Variants in CASK observed in about 807,000 individuals in gnomAD.
CASK encodes peripheral plasma membrane protein CASK.
In CASK, 4 loss-of-function variants were observed where a neutral mutation model predicts 82.9. The ratio of observed to expected loss-of-function variants is 0.05; its 90% CI spans 0.02 to 0.11. The LOEUF is 0.11. CASK is among the 10% of genes least tolerant of loss of function. The pLI is 1.00. For missense variants in CASK, 358 were observed against 720.9 expected (o/e 0.50, Z 5.76); for synonymous variants, 259 against 253.5 (o/e 1.02, Z -0.20).
At chrX:41,612,138 G>A (rs1320753554) in intron 11 of CASK, among the ~76,000 whole-genome samples, 2 of 111,632 alleles carry the variant, frequency 1.8e-5, no homozygotes, top group Non-Finnish European at 1.9e-5. Context: ...GGGAAGTGAG[G>A]AGCGTCTCTG....
At chrX:41,643,013 C>G (rs1326543135) in intron 8 of CASK, among the ~76,000 whole-genome samples, 1 of 111,880 alleles carries the variant, frequency 8.9e-6, no homozygotes, top group African/African-American at 3.3e-5. Flanking sequence ...GAATCCTTTC[C>G]CCATTGCTTG....
intron 14 of CASK, among the ~76,000 whole-genome samples, chrX:41,581,292 G>T (rs983984146): frequency 1.8e-5 from 2 of 110,349 alleles, no homozygotes; most frequent in African/African-American, 6.6e-5. Context: ...GAGGCAGAAG[G>T]ATTGCTTTGC....
chrX:41,680,829 C>T (rs1031064407), intron 5 of CASK, among the ~76,000 whole-genome samples: 19 of 110,292 alleles, frequency 1.7e-4, no homozygotes, highest in Non-Finnish European at 2.8e-4. Flanking sequence ...GCAGGAGAAT[C>T]GCTTGAACCT....
At chrX:41,884,874 C>T (rs1005144058) in intron 1 of CASK, among the ~76,000 whole-genome samples, 2 of 111,187 alleles carry the variant, frequency 1.8e-5, no homozygotes, top group East Asian at 5.7e-4. Context: ...CATGGAGGCA[C>T]CCTATCAACC....
At chrX:41,823,920 C>T (rs927785358) in intron 2 of CASK, among the ~76,000 whole-genome samples, 1 of 111,391 alleles carries the variant, frequency 9.0e-6, no homozygotes, top group African/African-American at 3.3e-5. Context: ...ATTACCAAAA[C>T]GATGAAGATT....
chrX:41,688,492 T>G (rs756211166), intron 5 of CASK, among the ~76,000 whole-genome samples: 13 of 111,654 alleles, frequency 1.2e-4, no homozygotes, highest in Non-Finnish European at 2.3e-4. Context: ...GGAGAGTTTA[T>G]CATAGTGATC....
At chrX:41,652,045 T>C (rs187524011) in intron 8 of CASK, among the ~76,000 whole-genome samples, 2 of 111,238 alleles carry the variant, frequency 1.8e-5, no homozygotes, top group Admixed American at 1.9e-4. Context: ...TCAGGGAAGG[T>C]CTTACTAAGA....
At chrX:41,823,371 A>C (rs1165787026) in intron 2 of CASK, among the ~76,000 whole-genome samples, 1 of 110,002 alleles carries the variant, frequency 9.1e-6, no homozygotes, top group Non-Finnish European at 1.9e-5. Context: ...GGAAAAAAAA[A>C]AAAAGATACT....
chrX:41,877,113 C>T (rs1169824695), intron 1 of CASK, among the ~76,000 whole-genome samples: 1 of 111,683 alleles, frequency 9.0e-6, no homozygotes, highest in Non-Finnish European at 1.9e-5. Context: ...TAAATTCTGA[C>T]TTCAGGAAAA....
intron 16 of CASK, among the ~76,000 whole-genome samples, chrX:41,563,119 C>T (rs1483840857): frequency 1.1e-4 from 11 of 100,272 alleles, no homozygotes; most frequent in South Asian, 9.4e-4. Flanking sequence ...TCAGTGTTTT[C>T]GGAGGCTGAG....
intron 1 of CASK, among the ~76,000 whole-genome samples, chrX:41,869,203 C>T (rs191994917): frequency 9.0e-6 from 1 of 111,542 alleles, no homozygotes; most frequent in East Asian, 2.8e-4. Flanking sequence ...CTCATAGGGC[C>T]TCATAGGAAT....
intron 18 of CASK, chrX:41,559,514 C>T: frequency 5.4e-6 from 2 of 367,728 alleles, no homozygotes; most frequent in Non-Finnish European, 4.8e-6. Flanking sequence ...CTTATTAAGC[C>T]TTATGTCATC....
chrX:41,613,629 TA>T (rs767946526), intron 11 of CASK, among the ~76,000 whole-genome samples: 1,121 of 49,847 alleles, frequency 0.022, 11 homozygotes, highest in African/African-American at 0.041. Context: ...AATGATCAAT[TA>T]AAAAAAAAAA....
chrX:41,777,484 G>A (rs1330680941), intron 3 of CASK, among the ~76,000 whole-genome samples: 3 of 95,765 alleles, frequency 3.1e-5, no homozygotes, highest in African/African-American at 8.2e-5. Context: ...GCGAGACATC[G>A]TCTCAAAAAA....
At chrX:41,742,280 C>T (rs907625022) in intron 4 of CASK, among the ~76,000 whole-genome samples, 3 of 111,527 alleles carry the variant, frequency 2.7e-5, no homozygotes, top group Admixed American at 9.5e-5. Context: ...CCAGTATAAA[C>T]CTCATCTATT....
At chrX:41,657,479 T>C (rs2066959806) in intron 8 of CASK, among the ~76,000 whole-genome samples, 1 of 112,446 alleles carries the variant, frequency 8.9e-6, no homozygotes, top group Admixed American at 9.4e-5. Flanking sequence ...GAGATTCTAG[T>C]AATGTGGCAG....
At chrX:41,684,362 A>G (rs913929292) in intron 5 of CASK, among the ~76,000 whole-genome samples, 2 of 112,075 alleles carry the variant, frequency 1.8e-5, no homozygotes, top group East Asian at 5.5e-4. Flanking sequence ...GCCAAAGTAC[A>G]TAACGAGATC....
At chrX:41,584,606 G>T (rs926298017) in intron 14 of CASK, 2 of 111,288 alleles carry the variant, frequency 1.8e-5, no homozygotes, top group Admixed American at 9.6e-5. Context: ...TCACAATAGG[G>T]TTCCCACTCC....
chrX:41,740,308 C>T (rs2068573125), intron 4 of CASK, among the ~76,000 whole-genome samples: 1 of 110,269 alleles, frequency 9.1e-6, no homozygotes, highest in African/African-American at 3.3e-5. Context: ...CTTCCTATTC[C>T]CCTTCTTTTC....
Sources: allele counts gnomAD v4.1 joint callset (sites outside exome capture counted in the v4.1 genomes callset), GRCh38; gene constraint gnomAD v4.1.1; transcripts MANE v1.5; gene names NCBI Gene and HGNC (gene_info 2026-07-23, HGNC 2026-07-21).